The following SYNDIG1L variants were observed in gnomAD, a reference collection of about 807,000 sequenced individuals.
SYNDIG1L encodes the protein synapse differentiation inducing 1 like.
SYNDIG1L carries 13 observed loss-of-function variants against 20.1 expected under a neutral mutation model. The ratio of observed to expected loss-of-function variants is 0.65; its 90% CI spans 0.42 to 1.03. The LOEUF (loss-of-function observed/expected upper bound fraction) is 1.03. SYNDIG1L is among the 50% of genes least tolerant of loss of function. The pLI is 0.00. For missense variants in SYNDIG1L, 294 were observed against 305.1 expected, an observed-to-expected ratio of 0.96 and a Z score of 0.27; for synonymous variants, 128 against 129.3, an observed-to-expected ratio of 0.99 and a Z score of 0.07.
At chr14:74,421,971 C>G (rs8009781) in intron 1 of SYNDIG1L, among the ~76,000 whole-genome samples, 78,635 of 151,938 alleles carry the variant, frequency 0.52, 20,664 homozygotes, top group African/African-American at 0.6. Flanking sequence ...ACCTGCTTGG[C>G]AGATGGGCTT....
the SYNDIG1L span, among the ~76,000 whole-genome samples, chr14:74,469,966 C>G: frequency 6.6e-6 from 1 of 152,078 alleles, no homozygotes; most frequent in Non-Finnish European, 1.5e-5. Context: ...TTAGGGCTGC[C>G]AGATTGCAAT....
In SYNDIG1L at chr14:74,406,287, G is replaced by A. The variant is rs1297658968; in HGVS notation, c.*1248C>T. 10 of 392,552 alleles carry A rather than the reference G, an allele frequency of 2.5e-5. No homozygotes were observed. The highest frequency in any genetic ancestry group is 4.5e-5 in the Non-Finnish European group (10 of 222,926). 24.3% of individuals were successfully genotyped at this position (392,552 alleles called of 1,614,324 possible). On this transcript the variant is annotated 3_prime_UTR_variant, in exon 4 of 4. Coordinates refer to ENST00000331628, the MANE Select transcript of SYNDIG1L (RefSeq NM_001105579.2). ...CACTGACCCCCTAGCATTCAGAGATGGGAAAACATCATTGGTCTTTGAGAG... is the reference window on the plus strand; with the variant it reads ...CACTGACCCCCTAGCATTCAGAGATAGGAAAACATCATTGGTCTTTGAGAG...
chr14:74,476,723 C>A, the SYNDIG1L span: 123,566 of 643,556 alleles, frequency 0.19, 13,035 homozygotes, highest in African/African-American at 0.32. Flanking sequence ...CTGGTCTCCA[C>A]CCTCCCCTCC....
intron 1 of SYNDIG1L, among the ~76,000 whole-genome samples, chr14:74,418,246 A>G (rs893018197): frequency 6.6e-6 from 1 of 152,240 alleles, no homozygotes; most frequent in Non-Finnish European, 1.5e-5. Context: ...GCTTGGAGTC[A>G]TTAGCTGCAG....
At chr14:74,470,475 TA>T in the SYNDIG1L span, among the ~76,000 whole-genome samples, 2 of 152,038 alleles carry the variant, frequency 1.3e-5, no homozygotes, top group Non-Finnish European at 2.9e-5. Context: ...ACTGAATGAA[TA>T]GGGACACAAT....
chr14:74,430,405 G>T (rs985228330), upstream of SYNDIG1L, among the ~76,000 whole-genome samples: 2 of 151,686 alleles, frequency 1.3e-5, no homozygotes, highest in African/African-American at 4.9e-5. Flanking sequence ...ACCTGATATG[G>T]TAACAAAATG....
At chr14:74,445,429 A>C in the SYNDIG1L span, among the ~76,000 whole-genome samples, 1 of 151,432 alleles carries the variant, frequency 6.6e-6, no homozygotes, top group Non-Finnish European at 1.5e-5. Flanking sequence ...AGCATATTGC[A>C]AGCTTCCTTA....
chr14:74,419,082 C>T (rs2086200630), intron 1 of SYNDIG1L, among the ~76,000 whole-genome samples: 1 of 152,184 alleles, frequency 6.6e-6, no homozygotes, highest in Non-Finnish European at 1.5e-5. Context: ...CTCTCCTTCA[C>T]TTCCCATCTC....
chr14:74,441,510 T>A, the SYNDIG1L span, among the ~76,000 whole-genome samples: 48 of 152,144 alleles, frequency 3.2e-4, no homozygotes, highest in African/African-American at 9.4e-4. Flanking sequence ...AATTTTGTTT[T>A]TATATATATA....
chr14:74,453,446 C>T, the SYNDIG1L span, among the ~76,000 whole-genome samples: 1 of 133,488 alleles, frequency 7.5e-6, no homozygotes, highest in Admixed American at 8.0e-5. Context: ...AAGCAAGGAA[C>T]AGGGGAACAG....
chr14:74,415,636 C>A (rs2086168183), intron 1 of SYNDIG1L, among the ~76,000 whole-genome samples: 1 of 152,038 alleles, frequency 6.6e-6, no homozygotes, highest in East Asian at 1.9e-4. Flanking sequence ...ACTTTTTGGG[C>A]TCAAGGGATT....
At chr14:74,439,637 T>C in the SYNDIG1L span, among the ~76,000 whole-genome samples, 15 of 152,112 alleles carry the variant, frequency 9.9e-5, no homozygotes, top group Middle Eastern at 3.2e-3. Context: ...TCCCAGCACT[T>C]TGGGAGGCCG....
At chr14:74,450,999 C>G in the SYNDIG1L span, among the ~76,000 whole-genome samples, 1 of 152,020 alleles carries the variant, frequency 6.6e-6, no homozygotes, top group Non-Finnish European at 1.5e-5. Flanking sequence ...TGTCAGTATC[C>G]CCCAGATTGA....
the SYNDIG1L span, among the ~76,000 whole-genome samples, chr14:74,477,021 C>G: frequency 6.7e-6 from 1 of 150,144 alleles, no homozygotes; most frequent in Admixed American, 6.6e-5. Flanking sequence ...AACCCTGTCT[C>G]CCCCCAGCCC....
intron 1 of SYNDIG1L, among the ~76,000 whole-genome samples, chr14:74,420,999 A>C (rs2086216689): frequency 6.6e-6 from 1 of 152,222 alleles, no homozygotes; most frequent in African/African-American, 2.4e-5. Flanking sequence ...GGACAACAAA[A>C]GATAATAAAA....
chr14:74,408,558 C>A, intron 2 of SYNDIG1L, among the ~76,000 whole-genome samples: 1 of 133,526 alleles, frequency 7.5e-6, no homozygotes, highest in Admixed American at 7.8e-5. Context: ...AGCGAGACTC[C>A]ATCTCAAAAA....
At position 74,425,232 on chromosome 14, in the gene SYNDIG1L, G is replaced by A. The variant is rs186578736; in HGVS notation, c.-58+680C>T. ...ATGGAGGCTCTGTCTAGGGTCACCA[G>A]CACATAATAGAAAACAGGACCCAGG... On this transcript the variant is annotated intron_variant, in intron 1 of 3. Coordinates refer to ENST00000331628, the MANE Select transcript of SYNDIG1L (RefSeq NM_001105579.2). Among the ~76,000 whole-genome samples, 15 of 152,334 alleles carry A rather than the reference G, an allele frequency of 9.8e-5. 1 individual carries two copies. Among genetic ancestry groups the A allele is most frequent in the Non-Finnish European group, 2.1e-4 (14 of 68,034 alleles).
At chr14:74,460,914 T>C in the SYNDIG1L span, among the ~76,000 whole-genome samples, 1 of 152,068 alleles carries the variant, frequency 6.6e-6, no homozygotes, top group South Asian at 2.1e-4. Flanking sequence ...TGTCCCAAAG[T>C]GCTGGGATTA....
At chr14:74,476,824 C>A in the SYNDIG1L span, among the ~76,000 whole-genome samples, 1 of 152,078 alleles carries the variant, frequency 6.6e-6, no homozygotes, top group East Asian at 1.9e-4. Flanking sequence ...GCAACCAACA[C>A]CCAGACCATT....
Sources: allele counts gnomAD v4.1 joint callset (sites outside exome capture counted in the v4.1 genomes callset), GRCh38; gene constraint gnomAD v4.1.1; transcripts MANE v1.5; gene names NCBI Gene and HGNC (gene_info 2026-07-23, HGNC 2026-07-21).